RBFOX1: variants seen among roughly 807,000 people sequenced by gnomAD.
RBFOX1 encodes the protein RNA binding fox-1 homolog 1.
In RBFOX1, 8 loss-of-function variants were observed where a neutral mutation model predicts 57.7. That is an observed-to-expected ratio of 0.14 (90% CI 0.08 to 0.25). The LOEUF (loss-of-function observed/expected upper bound fraction) is 0.25, where lower values mean the gene tolerates loss of function less well. Ranked by LOEUF, RBFOX1 falls within the 10% of genes least tolerant of loss-of-function variation. RBFOX1 has a pLI of 1.00. For synonymous variants in RBFOX1, 326 were observed against 222.4 expected, an observed-to-expected ratio of 1.47 and a Z score of -4.15; for missense variants, 611 against 548.5, an observed-to-expected ratio of 1.11 and a Z score of -1.14.
In RBFOX1 at chr16:6,602,213, G is replaced by A. The variant is rs527938534; in HGVS notation, c.-63-52390G>A. On this transcript the variant is annotated intron_variant, in intron 2 of 15. Transcript: ENST00000550418. ...TTTTAGGAGTTCTTTATACATTCTC[G>A]GTATTCATTCCTGATAAGATAGATG... 3.4e-4 allele frequency among the ~76,000 whole-genome samples: 52 copies of A among 151,838 alleles called. 2 individuals carry two copies. In the South Asian group the frequency reaches 8.8e-3, roughly 26 times the overall value.
intron 1 of RBFOX1, among the ~76,000 whole-genome samples, chr16:6,176,968 T>A (rs1258703643): frequency 6.6e-6 from 1 of 152,178 alleles, no homozygotes; most frequent in Non-Finnish European, 1.5e-5. Flanking sequence ...GTCTTGGTTG[T>A]TGGCGTTGAA....
intron 1 of RBFOX1, among the ~76,000 whole-genome samples, chr16:6,142,189 C>CAAAAAAAAAAAAAAAAAAAAAAAA (rs71142685): frequency 2.0e-5 from 1 of 49,094 alleles, no homozygotes; most frequent in African/African-American, 9.1e-5. Flanking sequence ...GCTGCTGCTG[C>CAAAAAAAAAAAAAAAAAAAAAAAA]AAAAAAAAAA....
chr16:6,715,801 A>G (rs2064691938), intron 3 of RBFOX1, among the ~76,000 whole-genome samples: 1 of 152,208 alleles, frequency 6.6e-6, no homozygotes, highest in Admixed American at 6.5e-5. Flanking sequence ...GCTACACAAA[A>G]TTGGAAAATA....
At chr16:6,716,673 T>A (rs552399236) in intron 3 of RBFOX1, among the ~76,000 whole-genome samples, 1 of 152,296 alleles carries the variant, frequency 6.6e-6, no homozygotes, top group African/African-American at 2.4e-5. Flanking sequence ...GTCTTGTTCA[T>A]TCAGCATTTT....
At chr16:7,531,149 T>G (rs1405493829) in intron 5 of RBFOX1, among the ~76,000 whole-genome samples, 1 of 152,128 alleles carries the variant, frequency 6.6e-6, no homozygotes, top group Admixed American at 6.5e-5. Context: ...TAAAAAAAAA[T>G]ATGTAGAGTT....
chr16:6,567,643 C>T (rs1249809318), intron 2 of RBFOX1, among the ~76,000 whole-genome samples: 2 of 152,164 alleles, frequency 1.3e-5, no homozygotes, highest in Non-Finnish European at 2.9e-5. Flanking sequence ...AGCGCCACAT[C>T]CCAGCACTAC....
At chr16:7,122,597 T>G (rs2067437754) in intron 4 of RBFOX1, among the ~76,000 whole-genome samples, 1 of 152,202 alleles carries the variant, frequency 6.6e-6, no homozygotes, top group Admixed American at 6.5e-5. Flanking sequence ...TCAGAGAAAC[T>G]GGATTTCTCC....
intron 1 of RBFOX1, chr16:6,090,121 C>T (rs1340388225): frequency 6.6e-6 from 1 of 152,230 alleles, no homozygotes; most frequent in African/African-American, 2.4e-5. Context: ...CTTCTTCCAT[C>T]TTCAAAGCCA....
intron 4 of RBFOX1, among the ~76,000 whole-genome samples, chr16:7,329,073 C>T (rs1042175318): frequency 5.3e-5 from 8 of 152,134 alleles, no homozygotes; most frequent in South Asian, 4.1e-4. Flanking sequence ...GTATTGTCAA[C>T]GGATGCTTTT....
chr16:7,599,270 A>G (rs867808103), intron 9 of RBFOX1, among the ~76,000 whole-genome samples: 15 of 152,354 alleles, frequency 9.8e-5, no homozygotes, highest in South Asian at 6.2e-4. Flanking sequence ...ATAGTCTTTA[A>G]TTATGAAGTT....
chr16:7,032,745 C>T (rs1039077480), intron 3 of RBFOX1, among the ~76,000 whole-genome samples: 3 of 152,064 alleles, frequency 2.0e-5, no homozygotes, highest in Non-Finnish European at 2.9e-5. Flanking sequence ...ATTTTGTTGT[C>T]GGTGGCAAAT....
intron 1 of RBFOX1, chr16:6,038,581 TATATAA>T: frequency 6.9e-6 from 1 of 145,330 alleles, no homozygotes; most frequent in African/African-American, 2.5e-5. Flanking sequence ...TCCATATATA[TATATAA>T]AATCCATATA....
chr16:7,416,338 C>G (rs1283439826), intron 4 of RBFOX1, among the ~76,000 whole-genome samples: 1 of 152,210 alleles, frequency 6.6e-6, no homozygotes, highest in East Asian at 1.9e-4. Context: ...TTCTGTTGAT[C>G]CATGCCCAAC....
chr16:5,555,715 GT>G (rs1439598481), intron 2 of RBFOX1, among the ~76,000 whole-genome samples: 1 of 151,516 alleles, frequency 6.6e-6, no homozygotes, highest in Non-Finnish European at 1.5e-5. Flanking sequence ...GTCTGGACAG[GT>G]TCATTTGAAA....
At chr16:7,240,614 G>A (rs1487777430) in intron 4 of RBFOX1, among the ~76,000 whole-genome samples, 1 of 152,228 alleles carries the variant, frequency 6.6e-6, no homozygotes, top group Non-Finnish European at 1.5e-5. Flanking sequence ...GAGTACAGTG[G>A]TATGATCACA....
chr16:6,124,368 A>G (rs1456963030), intron 1 of RBFOX1, among the ~76,000 whole-genome samples: 1 of 152,066 alleles, frequency 6.6e-6, no homozygotes, highest in Admixed American at 6.5e-5. Context: ...CTGCTATTGG[A>G]GTCATTGCCT....
intron 2 of RBFOX1, among the ~76,000 whole-genome samples, chr16:6,620,551 C>T (rs12443694): frequency 0.051 from 7,674 of 151,890 alleles, 240 homozygotes; most frequent in African/African-American, 0.063. Context: ...TCAATGAATC[C>T]GGGAGCTATT....
rs1161046570 is a variant in RBFOX1 at position 7,543,411 on chromosome 16, C to G, written c.270+25022C>G. 3.3e-5 allele frequency among the ~76,000 whole-genome samples: 5 copies of G among 152,150 alleles called. No individual in the cohort carries two copies. In the South Asian group the frequency reaches 6.2e-4, roughly 19 times the overall value. Reference sequence around the variant, plus strand: ...GTAATGATCATGGAGATGCCAGCAGCTATCACTGCCAAGGACTGGGTGGGT... The same window carrying G: ...GTAATGATCATGGAGATGCCAGCAGGTATCACTGCCAAGGACTGGGTGGGT... On this transcript the variant is annotated intron_variant, in intron 5 of 15. Coordinates refer to ENST00000550418, the MANE Select transcript of RBFOX1 (RefSeq NM_018723.4).
intron 3 of RBFOX1, among the ~76,000 whole-genome samples, chr16:5,855,976 C>CTTT (rs1160702604): frequency 1.3e-4 from 10 of 77,684 alleles, no homozygotes; most frequent in Non-Finnish European, 1.5e-4. Context: ...GTATGTTATT[C>CTTT]TTTTTTTTTT....
Sources: gnomAD v4.1 joint callset for allele counts (sites outside exome capture counted in the v4.1 genomes callset) on GRCh38, gnomAD v4.1.1 for gene constraint, MANE v1.5 for transcripts, NCBI Gene and HGNC (gene_info 2026-07-23, HGNC 2026-07-21) for gene names.